AIG1: variants seen among roughly 807,000 people sequenced by gnomAD.
AIG1 encodes androgen induced 1.
Under a neutral mutation model 31.4 loss-of-function variants are expected in AIG1, and 23 were observed. The ratio of observed to expected loss-of-function variants is 0.73; its 90% CI spans 0.53 to 1.04. The LOEUF (loss-of-function observed/expected upper bound fraction) is 1.04. Among genes scored for constraint, AIG1 ranks in the 50% least tolerant of loss-of-function variants. The probability of loss-of-function intolerance (pLI) is 0.00; values close to 1 mark genes in which losing one functional copy is unlikely to be tolerated. For missense variants in AIG1, 274 were observed against 295.0 expected (o/e 0.93, Z 0.52); for synonymous variants, 100 against 110.5 (o/e 0.90, Z 0.60).
intron 4 of AIG1, among the ~76,000 whole-genome samples, chr6:143,290,670 G>T (rs1798001605): frequency 6.6e-6 from 1 of 152,158 alleles, no homozygotes; most frequent in Non-Finnish European, 1.5e-5. Context: ...GGTGCCAGCT[G>T]CAACCAATTA....
intron 4 of AIG1, among the ~76,000 whole-genome samples, chr6:143,290,761 G>A (rs9373385): frequency 0.066 from 10,048 of 152,154 alleles, 905 homozygotes; most frequent in African/African-American, 0.2. Flanking sequence ...GTTGGGGGGT[G>A]GCAGGGGGAT....
At chr6:143,314,473 T>C (rs961238077) in intron 4 of AIG1, among the ~76,000 whole-genome samples, 8 of 152,104 alleles carry the variant, frequency 5.3e-5, no homozygotes, top group Non-Finnish European at 1.0e-4. Context: ...ATTATAAAAA[T>C]ATTGAAGAAT....
intron 4 of AIG1, among the ~76,000 whole-genome samples, chr6:143,301,262 G>C (rs1379050158): frequency 2.0e-5 from 3 of 152,206 alleles, no homozygotes; most frequent in Non-Finnish European, 4.4e-5. Flanking sequence ...CAGTGCTCTT[G>C]TATAGAAGCT....
chr6:143,097,161 T>G (rs1487406184), intron 1 of AIG1, among the ~76,000 whole-genome samples: 5 of 146,430 alleles, frequency 3.4e-5, no homozygotes, highest in South Asian at 4.3e-4. Flanking sequence ...AAGTTTTTTG[T>G]TTTTTTTTTT....
chr6:143,071,016 A>G (rs1260336841), intron 1 of AIG1, among the ~76,000 whole-genome samples: 1 of 152,262 alleles, frequency 6.6e-6, no homozygotes, highest in Non-Finnish European at 1.5e-5. Flanking sequence ...TATTGATATT[A>G]AAACAGTAAA....
chr6:143,322,180 G>A (rs144712386), intron 4 of AIG1, among the ~76,000 whole-genome samples: 1 of 152,104 alleles, frequency 6.6e-6, no homozygotes, highest in Admixed American at 6.5e-5. Context: ...GTCCAAGGAG[G>A]TAGCGAGATC....
At chr6:143,313,240 A>G (rs1157104906) in intron 4 of AIG1, among the ~76,000 whole-genome samples, 3 of 152,154 alleles carry the variant, frequency 2.0e-5, no homozygotes, top group East Asian at 3.8e-4. Context: ...TATTGAAGAG[A>G]CATCTGCACT....
At chr6:143,141,717 C>T (rs572604272) in intron 2 of AIG1, among the ~76,000 whole-genome samples, 156 of 152,256 alleles carry the variant, frequency 1.0e-3, no homozygotes, top group African/African-American at 3.5e-3. Flanking sequence ...CCCTGTCACC[C>T]TTTTAAAGAA....
intron 1 of AIG1, among the ~76,000 whole-genome samples, chr6:143,113,331 G>A (rs1263004150): frequency 3.3e-5 from 5 of 152,018 alleles, no homozygotes; most frequent in Non-Finnish European, 7.4e-5. Flanking sequence ...CTGGCGGGGC[G>A]TGGGGGCTCA....
At chr6:143,317,734 C>T (rs1488897152) in intron 4 of AIG1, among the ~76,000 whole-genome samples, 3 of 151,970 alleles carry the variant, frequency 2.0e-5, no homozygotes, top group African/African-American at 7.2e-5. Context: ...TGATTGTATA[C>T]CTAGAAAACC....
chr6:143,269,894 T>A (rs1796392269), intron 3 of AIG1, among the ~76,000 whole-genome samples: 1 of 152,234 alleles, frequency 6.6e-6, no homozygotes, highest in Non-Finnish European at 1.5e-5. Flanking sequence ...AATTGCTGGT[T>A]ACTGGAGTGA....
chr6:143,267,134 A>C (rs1160456082), intron 3 of AIG1, among the ~76,000 whole-genome samples: 1 of 152,142 alleles, frequency 6.6e-6, no homozygotes, highest in African/African-American at 2.4e-5. Flanking sequence ...TCTTTGTTCA[A>C]ATTCTGGAAG....
intron 3 of AIG1, among the ~76,000 whole-genome samples, chr6:143,270,952 A>C (rs898528341): frequency 1.3e-5 from 2 of 152,226 alleles, no homozygotes; most frequent in Non-Finnish European, 2.9e-5. Context: ...GTGTGTGTGC[A>C]TATGCACAGG....
At chr6:143,096,522 A>G (rs1189511043) in intron 1 of AIG1, among the ~76,000 whole-genome samples, 1 of 152,224 alleles carries the variant, frequency 6.6e-6, no homozygotes, top group Non-Finnish European at 1.5e-5. Flanking sequence ...GACCTCACCC[A>G]GTCAGATGGC....
chr6:143,338,122 A>G lies in AIG1; in HGVS notation c.680-1517A>G, dbSNP rs1777645497. Reference sequence around the variant, plus strand: ...GAACGCTTTGGAAAAAACAGACTTTAAAAAGAAAAGCAAACTGCTCTTAGC... The same window carrying G: ...GAACGCTTTGGAAAAAACAGACTTTGAAAAGAAAAGCAAACTGCTCTTAGC... On this transcript the variant is annotated intron_variant, in intron 5 of 5. Transcript: ENST00000357847. This position sits in a 1 kb window ranked among gnomAD's most constrained non-coding sequence, Gnocchi z 4.3. 1 of 398,202 alleles carries G rather than the reference A, an allele frequency of 2.5e-6. No individual in the cohort carries two copies. Among genetic ancestry groups the G allele is most frequent in the South Asian group, 1.3e-4 (1 of 7,790 alleles). The allele number at this position is 398,202 out of a possible 1,614,324, so 24.7% of individuals were successfully genotyped here.
downstream of AIG1, chr6:143,343,404 G>A: frequency 1.9e-6 from 1 of 537,830 alleles, no homozygotes; most frequent in African/African-American, 1.9e-5. Context: ...GCACAGTACC[G>A]GTGCACCTGT....
chr6:143,249,938 C>T (rs1562525312), intron 3 of AIG1, among the ~76,000 whole-genome samples: 1 of 152,224 alleles, frequency 6.6e-6, no homozygotes, highest in Non-Finnish European at 1.5e-5. Flanking sequence ...AGCCCTGGCT[C>T]CTTGTCCAGC....
intron 3 of AIG1, among the ~76,000 whole-genome samples, chr6:143,176,445 G>T (rs1484430850): frequency 6.6e-6 from 1 of 152,162 alleles, no homozygotes; most frequent in Non-Finnish European, 1.5e-5. Context: ...CTTCCAGGAC[G>T]GGTAGAGAAA....
intron 1 of AIG1, among the ~76,000 whole-genome samples, chr6:143,078,704 T>A (rs548108533): frequency 1.3e-4 from 20 of 152,116 alleles, no homozygotes; most frequent in Non-Finnish European, 7.4e-5. Flanking sequence ...GAGAACAGTA[T>A]GGAGGAAACC....
Sources: allele counts gnomAD v4.1 joint callset (sites outside exome capture counted in the v4.1 genomes callset), GRCh38; gene constraint gnomAD v4.1.1; non-coding constraint Gnocchi (gnomAD v3.1); transcripts MANE v1.5; gene names NCBI Gene and HGNC (gene_info 2026-07-23, HGNC 2026-07-21).